Variants in ZNF384 observed in about 807,000 individuals in gnomAD.
The protein encoded by ZNF384 is zinc finger protein 384.
A neutral mutation model predicts 65.0 loss-of-function variants in ZNF384; 20 were observed. That is an observed-to-expected ratio of 0.31 (90% CI 0.22 to 0.45). The LOEUF (loss-of-function observed/expected upper bound fraction) is 0.45. ZNF384 is among the 20% of genes least tolerant of loss of function. The pLI, the probability that ZNF384 is intolerant of heterozygous loss-of-function variation, is 1.00. For missense variants in ZNF384, 549 were observed against 769.4 expected, an observed-to-expected ratio of 0.71 and a Z score of 3.39; for synonymous variants, 310 against 303.9, an observed-to-expected ratio of 1.02 and a Z score of -0.21.
intron 2 of ZNF384, among the ~76,000 whole-genome samples, chr12:6,682,722 G>GT (rs1956484406): frequency 6.6e-6 from 1 of 152,202 alleles, no homozygotes; most frequent in East Asian, 1.9e-4. Context: ...TCAGATCACA[G>GT]TTTAAGAGAA....
chr12:6,671,864 A>G (rs1951638028), intron 9 of ZNF384: 1 of 154,096 alleles, frequency 6.5e-6, no homozygotes, highest in African/African-American at 2.4e-5. Context: ...TTTGTTCTCT[A>G]CTCCTGGCAT....
chr12:6,688,768 G>A (rs1958907942), intron 1 of ZNF384: 1 of 152,438 alleles, frequency 6.6e-6, no homozygotes, highest in African/African-American at 2.4e-5. Flanking sequence ...GGAGACCCCA[G>A]CTGTCCCCTC....
At position 6,679,005 on chromosome 12, in the gene ZNF384, G is replaced by T. The variant is rs1006798292; in HGVS notation, c.245C>A (p.Ala82Glu). The change falls in exon 4 of 12, where the codon GCG (alanine) becomes GAG (glutamate). Residue 82 changes from alanine (A) to glutamate (E), a missense_variant. Ala to Glu is a moderately radical substitution (Grantham distance 107). This residue lies in a region of ZNF384 where 277 missense variants were observed against 337.2 expected (regional missense o/e 0.82). Coordinates refer to ENST00000683879, the MANE Select transcript of ZNF384 (RefSeq NM_001385745.1). ...CACCGTGATATTCTGGGTAACGGAC[G>T]CTTGGCTGTGTGGGGTCAGCTGGTC... ...KSDQLTPHSQ[A>E]SVTQNITVVP... 6.2e-7 allele frequency: 1 copy of T among 1,614,054 alleles called. No homozygotes were observed. Among genetic ancestry groups the T allele is most frequent in the Non-Finnish European group, 8.5e-7 (1 of 1,179,990 alleles).
intron 2 of ZNF384, among the ~76,000 whole-genome samples, chr12:6,682,097 G>A (rs1956168537): frequency 1.4e-5 from 2 of 146,768 alleles, no homozygotes; most frequent in African/African-American, 2.6e-5. Flanking sequence ...TTTGAGACCA[G>A]GCTAAGCAAT....
In ZNF384 at chr12:6,684,617, A is replaced by G. The variant is rs140472489; in HGVS notation, c.-6+3550T>C. ...GTCTGGTCCAAGGACAAGACACTAC[A>G]TATGCGTTACCAGCTTCCGATAAAT... On this transcript the variant is annotated intron_variant, in intron 2 of 11. Coordinates refer to ENST00000683879, the MANE Select transcript of ZNF384 (RefSeq NM_001385745.1). Among the ~76,000 whole-genome samples, 799 of 152,330 alleles carry G rather than the reference A, an allele frequency of 5.2e-3. 5 individuals carry two copies. The highest frequency in any genetic ancestry group is 0.024 in the Middle Eastern group (7 of 294).
At chr12:6,687,734 C>T (rs1565449205) in intron 2 of ZNF384, among the ~76,000 whole-genome samples, 2 of 152,154 alleles carry the variant, frequency 1.3e-5, no homozygotes, top group Non-Finnish European at 2.9e-5. Context: ...CCACTTCTAA[C>T]ACTCCACTGG....
In ZNF384 at chr12:6,677,178, C is replaced by G; in HGVS notation, c.768G>C (p.Leu256=). 4 of 1,118,936 alleles carry G rather than the reference C, an allele frequency of 3.6e-6. No homozygotes were observed. Among genetic ancestry groups the G allele is most frequent in the Non-Finnish European group, 4.8e-6 (4 of 825,674 alleles). 69.3% of individuals were successfully genotyped at this position (1,118,936 alleles called of 1,614,324 possible). ...DSVPGSTTNL[L]CDPGCRMCSL... ...GGAAAAGGACTTGCCCAGGGTCACA[C>G]AGCAAATTCGTGGTGGAGCCGGGAA... Residue 256 remains leucine, a synonymous_variant, in exon 7 of 12, where the codon CTG becomes CTC. Coordinates refer to ENST00000683879, the MANE Select transcript of ZNF384 (RefSeq NM_001385745.1).
Position 6,666,580 on chromosome 12 carries a change from A to T in ZNF384, c.*1134T>A, listed in dbSNP as rs1327884638. On this transcript the variant is annotated 3_prime_UTR_variant, in exon 12 of 12. Transcript: ENST00000683879. ...TTCATTTTTAAATTACTTTATAACA[A>T]CTGGTTTCCTGATTTTTTTTTTAAT... 4 of 162,698 alleles carry T rather than the reference A, an allele frequency of 2.5e-5. No individual in the cohort carries two copies. The highest frequency in any genetic ancestry group is 2.4e-5 in the African/African-American group (1 of 41,080). 10.1% of individuals were successfully genotyped at this position (162,698 alleles called of 1,614,324 possible).
At position 6,678,646 on chromosome 12, in the gene ZNF384, G is replaced by C. The variant is rs374382738; in HGVS notation, c.352+17C>G. 1.2e-6 allele frequency: 2 copies of C among 1,612,362 alleles called. No homozygotes were observed. Among genetic ancestry groups the C allele is most frequent in the East Asian group, 2.2e-5 (1 of 44,808 alleles). On this transcript the variant is annotated intron_variant, in intron 5 of 11. Transcript: ENST00000683879. This position sits in a 1 kb window ranked among gnomAD's most constrained non-coding sequence, Gnocchi z 4.9. ...CCTAACCCTTGTCCCCACCCCCCTG[G>C]TAACAGTGAGATTTACCCCTTGATT...
upstream of ZNF384, chr12:6,689,560 C>T (rs894913822): frequency 5.8e-4 from 89 of 152,296 alleles, 5 homozygotes; most frequent in Non-Finnish European, 2.9e-5. Context: ...GAAGCCGAGT[C>T]ACTTCCGGGA....
At chr12:6,684,947 C>T (rs1411584651) in intron 2 of ZNF384, among the ~76,000 whole-genome samples, 2 of 152,170 alleles carry the variant, frequency 1.3e-5, no homozygotes, top group African/African-American at 4.8e-5. Flanking sequence ...TCCAAATCAT[C>T]CCAACATTCA....
rs530010592 is a variant in ZNF384, at chr12:6,672,264, G to A, written c.1187+86C>T. The A allele has an allele frequency of 4.9e-6, 7 of 1,422,836 alleles. No homozygotes were observed. The highest frequency in any genetic ancestry group is 2.5e-5 in the East Asian group (1 of 40,728). The allele number at this position is 1,422,836 out of a possible 1,614,324, so 88.1% of individuals were successfully genotyped here. A position where few individuals can be genotyped will look rare whatever the true frequency, so the allele number is the denominator to read the frequency against. Reference sequence around the variant, plus strand: ...CAGCCAGGTCTCTCCCCCGCCCCCCGCATGCGGGTTGTTGTGTGTGTCCGG... The same window carrying A: ...CAGCCAGGTCTCTCCCCCGCCCCCCACATGCGGGTTGTTGTGTGTGTCCGG... On this transcript the variant is annotated intron_variant, in intron 9 of 11. Transcript: ENST00000683879. The surrounding 1 kb of genome is among the most constrained non-coding windows in gnomAD (Gnocchi z 4.4).
chr12:6,672,309 T>C lies in ZNF384; in HGVS notation c.1187+41A>G, dbSNP rs773401240. ...GTCCGGGGCGGGGGTGGGGAGGGCATGCCAGCGGGGCGGGGTCAGTAGCCC... is the reference window on the plus strand; with the variant it reads ...GTCCGGGGCGGGGGTGGGGAGGGCACGCCAGCGGGGCGGGGTCAGTAGCCC... On this transcript the variant is annotated intron_variant, in intron 9 of 11. Coordinates refer to ENST00000683879, the MANE Select transcript of ZNF384 (RefSeq NM_001385745.1). This position sits in a 1 kb window ranked among gnomAD's most constrained non-coding sequence, Gnocchi z 4.4. 1 of 1,586,238 alleles carries C rather than the reference T, an allele frequency of 6.3e-7. No homozygotes were observed. Among genetic ancestry groups the C allele is most frequent in the East Asian group, 2.3e-5 (1 of 44,242 alleles).
Position 6,672,450 on chromosome 12 carries a change from G to T in ZNF384, c.1087C>A (p.Leu363Met), listed in dbSNP as rs760261301. The change falls in exon 9 of 12, where the codon CTG becomes ATG. Residue 363 changes from leucine (L) to methionine (M), a missense_variant. This residue lies in a region of ZNF384 where 59 missense variants were observed against 63.6 expected (regional missense o/e 0.93). Coordinates refer to ENST00000683879, the MANE Select transcript of ZNF384 (RefSeq NM_001385745.1). The surrounding 1 kb of genome is among the most constrained non-coding windows in gnomAD (Gnocchi z 4.4). ...CSKTFANTSY[L>M]AQHLRIHSGA... ...GAGTGGATACGGAGGTGCTGGGCCAGGTAGGAGGTGTTGGCGAAGGTCTTG... is the reference window on the plus strand; with the variant it reads ...GAGTGGATACGGAGGTGCTGGGCCATGTAGGAGGTGTTGGCGAAGGTCTTG... 1 of 1,614,200 alleles carries T rather than the reference G, an allele frequency of 6.2e-7. No homozygotes were observed. Among genetic ancestry groups the T allele is most frequent in the South Asian group, 1.1e-5 (1 of 91,088 alleles).
chr12:6,673,509 C>A lies in ZNF384; in HGVS notation c.780-69G>T. On this transcript the variant is annotated intron_variant, in intron 7 of 11. Coordinates refer to ENST00000683879, the MANE Select transcript of ZNF384 (RefSeq NM_001385745.1). The surrounding 1 kb of genome is among the most constrained non-coding windows in gnomAD (Gnocchi z 4.7). ...AGGTGTGGCTGAACCCTCCCCTCTA[C>A]TTCCAAGAGAAGCCCACCTATCTGA... is the stretch of plus-strand genomic sequence containing the variant. The A allele has an allele frequency of 7.0e-7, 1 of 1,418,716 alleles. No homozygotes were observed. Among genetic ancestry groups the A allele is most frequent in the Non-Finnish European group, 9.7e-7 (1 of 1,028,002 alleles). 87.9% of individuals were successfully genotyped at this position (1,418,716 alleles called of 1,614,324 possible). A position where few individuals can be genotyped will look rare whatever the true frequency, so the allele number is the denominator to read the frequency against.
At chr12:6,684,050 T>A (rs1957073346) in intron 2 of ZNF384, among the ~76,000 whole-genome samples, 1 of 152,166 alleles carries the variant, frequency 6.6e-6, no homozygotes, top group South Asian at 2.1e-4. Context: ...ATCACCACTA[T>A]CATTATCATT....
rs1950546565 is a variant in ZNF384, at chr12:6,669,071, T to C, written c.1385A>G (p.Lys462Arg). ...ACTGCAGATAGTGCAGGTGTACACC[T>C]TGGCATGCTTCACTGTGTGCGTAGA... ...HLSTHTVKHAKVYTCTICSRA... is the reference protein window; with the variant it reads ...HLSTHTVKHARVYTCTICSRA... The change falls in exon 11 of 12, where the codon AAG becomes AGG. Residue 462 changes from lysine to arginine, a missense_variant. By Grantham distance (26) the Lys-to-Arg change is conservative. Transcript: ENST00000683879. 6.2e-7 allele frequency: 1 copy of C among 1,613,796 alleles called. No individual in the cohort carries two copies. The highest frequency in any genetic ancestry group is 8.5e-7 in the Non-Finnish European group (1 of 1,179,800).
At chr12:6,679,643 G>A in intron 2 of ZNF384, 118 bp from the exon 3 acceptor site, 1 of 738,454 alleles carries the variant, frequency 1.4e-6, no homozygotes, top group Admixed American at 2.3e-5. Flanking sequence ...CATGGCTGGG[G>A]ACTGGCAGTC....
chr12:6,681,708 TC>T lies in ZNF384; in HGVS notation c.-5-2184del, dbSNP rs1382526093. ...AAGCTGAAAATTACTCTAACATAACTCTGTTCCTTATCCTTTTATAGAAAAC... is the reference window on the plus strand; with the variant it reads ...AAGCTGAAAATTACTCTAACATAACTTGTTCCTTATCCTTTTATAGAAAAC... On this transcript the variant is annotated intron_variant, in intron 2 of 11. Coordinates refer to ENST00000683879, the MANE Select transcript of ZNF384 (RefSeq NM_001385745.1). Among the ~76,000 whole-genome samples the T allele has an allele frequency of 3.9e-5, 6 of 152,236 alleles. No homozygotes were observed. The East Asian group carries it at 9.6e-4, about 24-fold the overall frequency.
Sources: gnomAD v4.1 joint callset for allele counts (sites outside exome capture counted in the v4.1 genomes callset) on GRCh38, gnomAD v4.1.1 for gene constraint, gnomAD v4.1.1 regional missense constraint, Gnocchi (gnomAD v3.1) non-coding constraint, MANE v1.5 for transcripts, NCBI Gene and HGNC (gene_info 2026-07-23, HGNC 2026-07-21) for gene names.